The following DMD variants were observed in gnomAD, a reference collection of about 807,000 sequenced individuals.
The protein encoded by DMD is dystrophin, also known as mutant dystrophin.
In DMD, 63 loss-of-function variants were observed where a neutral mutation model predicts 330.1. That is an observed-to-expected ratio of 0.19 (90% CI 0.16 to 0.24). DMD has a LOEUF of 0.24. DMD is among the 10% of genes least tolerant of loss of function. The pLI is 1.00. For missense variants in DMD, 3,344 were observed against 2,684.1 expected, an observed-to-expected ratio of 1.25 and a Z score of -5.43; for synonymous variants, 1,223 against 959.8, an observed-to-expected ratio of 1.27 and a Z score of -5.07.
intron 47 of DMD, among the ~76,000 whole-genome samples, chrX:31,884,900 A>C (rs897431545): frequency 2.3e-4 from 26 of 111,683 alleles, no homozygotes; most frequent in Admixed American, 2.3e-3. Context: ...ACATGATTTT[A>C]ATGTAATTTT....
chrX:31,904,362 T>C (rs1021791702), intron 47 of DMD, among the ~76,000 whole-genome samples: 3 of 111,479 alleles, frequency 2.7e-5, no homozygotes, highest in African/African-American at 9.8e-5. Flanking sequence ...CACTCAGTGA[T>C]CTCTGTCTCC....
rs777083153 is a variant in DMD at position 32,849,725 on chromosome X, T to C, written c.186+3A>G. On this transcript the variant is annotated splice_donor_region_variant and intron_variant, in intron 3 of 78. Transcript: ENST00000357033. The stretch of plus-strand genomic sequence containing the variant: ...TTAACTTTCTTAAAAATAAGTCACA[T>C]ACCAGTTTTTGCCCTGTCAGGCCTT... 8.4e-7 allele frequency: 1 copy of C among 1,184,586 alleles called. No individual in the cohort carries two copies. Among genetic ancestry groups the C allele is most frequent in the Non-Finnish European group, 1.1e-6 (1 of 871,286 alleles).
At chrX:31,788,277 G>T (rs1329725692) in intron 50 of DMD, among the ~76,000 whole-genome samples, 1 of 112,090 alleles carries the variant, frequency 8.9e-6, no homozygotes, top group African/African-American at 3.2e-5. Context: ...CTGTGAAGCT[G>T]TATTATTACA....
chrX:32,053,180 C>T lies in DMD; in HGVS notation c.6439-84666G>A, dbSNP rs142955424. Among the ~76,000 whole-genome samples the T allele has an allele frequency of 4.6e-4, 51 of 111,507 alleles. No individual in the cohort carries two copies. The East Asian group carries it at 0.014, about 31-fold the overall frequency. On this transcript the variant is annotated intron_variant, in intron 44 of 78. Transcript: ENST00000357033. ...CGCATTCATGGATCTTAGAATGGGA[C>T]ATAGTGGTCAATGAATCTAAGAAGC...
intron 44 of DMD, among the ~76,000 whole-genome samples, chrX:32,205,713 A>C (rs781775125): frequency 2.7e-5 from 3 of 111,932 alleles, no homozygotes; most frequent in East Asian, 5.6e-4. Flanking sequence ...TTTCTGAATA[A>C]ATGTGTTGAT....
intron 2 of DMD, among the ~76,000 whole-genome samples, chrX:32,963,322 T>G (rs867570446): frequency 8.9e-6 from 1 of 111,900 alleles, no homozygotes; most frequent in Non-Finnish European, 1.9e-5. Context: ...ACTTAATAAA[T>G]TAATATAACC....
intron 27 of DMD, among the ~76,000 whole-genome samples, chrX:32,447,886 C>T (rs187279034): frequency 9.0e-6 from 1 of 110,926 alleles, no homozygotes; most frequent in East Asian, 2.8e-4. Context: ...TAAGGCCCAT[C>T]CATAAAAGTT....
At position 33,179,592 on chromosome X, in the gene DMD, C is replaced by G. The variant is rs767948501; in HGVS notation, c.31+31690G>C. On this transcript the variant is annotated intron_variant, in intron 1 of 78. Coordinates refer to ENST00000357033, the MANE Select transcript of DMD (RefSeq NM_004006.3). ...GCCTGTAGTCCCAGCTACTCGGGAG[C>G]CTGAGGCAGGAGAATGGCGTGAACC... Among the ~76,000 whole-genome samples, 533 of 107,385 alleles carry G rather than the reference C, an allele frequency of 5.0e-3. 3 individuals are homozygous for G. Among genetic ancestry groups the G allele is most frequent in the Non-Finnish European group, 8.3e-3 (429 of 51,989 alleles). 93.3% of individuals were successfully genotyped at this position (107,385 alleles called of 115,157 possible). A position where few individuals can be genotyped will look rare whatever the true frequency, so the allele number is the denominator to read the frequency against.
intron 13 of DMD, among the ~76,000 whole-genome samples, chrX:32,576,539 T>C (rs2053071239): frequency 9.0e-6 from 1 of 110,781 alleles, no homozygotes; most frequent in Admixed American, 9.7e-5. Context: ...ATGAAGACGC[T>C]GGACAAAGGG....
At chrX:32,741,542 T>G (rs1044904813) in intron 7 of DMD, among the ~76,000 whole-genome samples, 2 of 111,731 alleles carry the variant, frequency 1.8e-5, no homozygotes, top group Non-Finnish European at 3.8e-5. Context: ...TCTGCTGGAT[T>G]GTACAAACAG....
chrX:31,802,688 G>C (rs2092124945), intron 50 of DMD, among the ~76,000 whole-genome samples: 1 of 111,897 alleles, frequency 8.9e-6, no homozygotes, highest in Non-Finnish European at 1.9e-5. Flanking sequence ...GGAAGGTCAT[G>C]CATTTCATAG....
Position 31,348,569 on chromosome X carries a change from C to A in DMD, c.9150G>T (p.Gln3050His), listed in dbSNP as rs1352900858. 8.3e-7 allele frequency: 1 copy of A among 1,210,668 alleles called. No homozygotes were observed. The highest frequency in any genetic ancestry group is 1.7e-5 in the African/African-American group (1 of 57,831). The change falls in exon 61 of 79, where the codon CAG becomes CAT. Residue 3050 changes from glutamine (Q) to histidine (H), a missense_variant. Physicochemically the swap from Gln to His is conservative, Grantham distance 24 (BLOSUM62 0). Coordinates refer to ENST00000357033, the MANE Select transcript of DMD (RefSeq NM_004006.3). ...EAHRDFGPAS[Q>H]HFLSTSVQGP... is the part of the protein sequence containing the mutation. ...AAAATGACTTACTGGAAAGAAAGTG[C>A]TGAGATGCTGGACCAAAGTCCCTGT...
At chrX:31,284,862 A>ACACACACACC (rs1491159928) in intron 62 of DMD, among the ~76,000 whole-genome samples, 9 of 100,289 alleles carry the variant, frequency 9.0e-5, no homozygotes, top group African/African-American at 3.1e-4. Context: ...ACACACACAC[A>ACACACACACC]CCCACACCCA....
At chrX:31,391,060 C>T (rs1039636125) in intron 60 of DMD, among the ~76,000 whole-genome samples, 4 of 112,105 alleles carry the variant, frequency 3.6e-5, no homozygotes, top group African/African-American at 1.3e-4. Flanking sequence ...TTCAGAGAGG[C>T]CTTCCTAGAC....
At chrX:31,587,190 TA>T (rs1025181758) in intron 55 of DMD, among the ~76,000 whole-genome samples, 5 of 110,924 alleles carry the variant, frequency 4.5e-5, no homozygotes, top group African/African-American at 1.7e-4. Context: ...GTTTTTTATT[TA>T]AAAAAATCAG....
chrX:32,932,122 C>T (rs1259231084), intron 2 of DMD, among the ~76,000 whole-genome samples: 1 of 112,234 alleles, frequency 8.9e-6, no homozygotes, highest in Non-Finnish European at 1.9e-5. Context: ...TTTATCAGGG[C>T]TATTTCCGAT....
chrX:31,371,025 G>T (rs186289343), intron 60 of DMD, among the ~76,000 whole-genome samples: 48 of 111,502 alleles, frequency 4.3e-4, no homozygotes, highest in African/African-American at 1.5e-3. Context: ...TAGGAGGTAG[G>T]GGGGGCAGGG....
At chrX:33,073,344 AT>A (rs2094788565) in intron 1 of DMD, among the ~76,000 whole-genome samples, 1 of 111,853 alleles carries the variant, frequency 8.9e-6, no homozygotes, top group African/African-American at 3.2e-5. Flanking sequence ...CTTAAAATAC[AT>A]TTTTCTCTGT....
At chrX:32,465,819 C>G (rs985378119) in intron 23 of DMD, among the ~76,000 whole-genome samples, 1 of 110,603 alleles carries the variant, frequency 9.0e-6, no homozygotes, top group Non-Finnish European at 1.9e-5. Flanking sequence ...CTCTTGACCT[C>G]GTGATCTACC....
Sources: allele counts gnomAD v4.1 joint callset (sites outside exome capture counted in the v4.1 genomes callset), GRCh38; gene constraint gnomAD v4.1.1; transcripts MANE v1.5; gene names NCBI Gene and HGNC (gene_info 2026-07-23, HGNC 2026-07-21).